AHI1: variants seen among roughly 807,000 people sequenced by gnomAD.
AHI1 encodes jouberin.
AHI1 carries 123 observed loss-of-function variants against 149.3 expected under a neutral mutation model. The ratio of observed to expected loss-of-function variants is 0.82; its 90% CI spans 0.71 to 0.96. The LOEUF (loss-of-function observed/expected upper bound fraction) is 0.96. AHI1 is among the 40% of genes least tolerant of loss of function. The probability of loss-of-function intolerance (pLI) is 0.00; values close to 1 mark genes in which losing one functional copy is unlikely to be tolerated. For missense variants in AHI1, 1,439 were observed against 1,422.7 expected (o/e 1.01, Z -0.18); for synonymous variants, 475 against 459.8 (o/e 1.03, Z -0.42).
intron 11 of AHI1, 128 bp from the exon 12 acceptor site, chr6:135,448,603 A>C: frequency 1.3e-6 from 1 of 744,494 alleles, no homozygotes; most frequent in Non-Finnish European, 2.0e-6. Flanking sequence ...TAGTTTTAAA[A>C]AGCAAAGAAC....
chr6:135,477,586 TC>T (rs1044099361), intron 5 of AHI1, among the ~76,000 whole-genome samples: 18 of 152,082 alleles, frequency 1.2e-4, no homozygotes, highest in Admixed American at 1.2e-3. Context: ...GGGACGGATA[TC>T]CCCTTGCTGT....
chr6:135,419,949 C>A (rs2614289), intron 20 of AHI1, among the ~76,000 whole-genome samples: 126,937 of 152,126 alleles, frequency 0.83, 55,146 homozygotes, highest in East Asian at 0.97. Flanking sequence ...ATGTTCACAG[C>A]GTCTTCACCA....
chr6:135,492,301 C>A lies in AHI1; in HGVS notation c.-54-10G>T. Reference sequence around the variant, plus strand: ...TGACTCAATCAGGATCCTATCGAAACAAAGGAGATGTATTTGTAATATGGA... The same window carrying A: ...TGACTCAATCAGGATCCTATCGAAAAAAAGGAGATGTATTTGTAATATGGA... On this transcript the variant is annotated splice_polypyrimidine_tract_variant and intron_variant, in intron 3 of 28. Coordinates refer to ENST00000265602, the MANE Select transcript of AHI1 (RefSeq NM_001134831.2). The A allele has an allele frequency of 6.7e-7, 1 of 1,490,794 alleles. No individual in the cohort carries two copies. The highest frequency in any genetic ancestry group is 1.4e-5 in the South Asian group (1 of 69,534). 92.3% of individuals were successfully genotyped at this position (1,490,794 alleles called of 1,614,324 possible).
At chr6:135,351,093 C>T (rs1197268633) in intron 24 of AHI1, among the ~76,000 whole-genome samples, 1 of 136,420 alleles carries the variant, frequency 7.3e-6, no homozygotes, top group Non-Finnish European at 1.6e-5. Context: ...GGAAGAGTCA[C>T]AATATGCAAT....
chr6:135,445,763 A>T (rs999314369), intron 13 of AHI1, among the ~76,000 whole-genome samples: 2 of 152,096 alleles, frequency 1.3e-5, no homozygotes, highest in African/African-American at 4.8e-5. Context: ...TTTTAAAAGA[A>T]TGGGTCTTGC....
chr6:135,488,465 T>C (rs540957873), intron 5 of AHI1, among the ~76,000 whole-genome samples: 1 of 152,190 alleles, frequency 6.6e-6, no homozygotes, highest in East Asian at 1.9e-4. Flanking sequence ...ACATGAACTT[T>C]AAAATTGCAG....
At chr6:135,323,412 G>A in intron 24 of AHI1, 88 bp from the exon 25 acceptor site, 16 of 1,423,934 alleles carry the variant, frequency 1.1e-5, no homozygotes, top group Non-Finnish European at 1.4e-5. Flanking sequence ...CAGAAGAGCA[G>A]CTGAAACCAA....
intron 26 of AHI1, among the ~76,000 whole-genome samples, chr6:135,305,810 T>C (rs1784468016): frequency 6.6e-6 from 1 of 152,216 alleles, no homozygotes; most frequent in Non-Finnish European, 1.5e-5. Context: ...TCCTGTCCAC[T>C]TGTTCAGGTC....
intron 22 of AHI1, among the ~76,000 whole-genome samples, chr6:135,403,007 G>A (rs749957275): frequency 6.6e-6 from 1 of 152,056 alleles, no homozygotes; most frequent in Non-Finnish European, 1.5e-5. Context: ...TCCTGAAAAC[G>A]TTATTTTGAG....
At chr6:135,292,465 C>T (rs1256557027) in intron 27 of AHI1, among the ~76,000 whole-genome samples, 5 of 152,160 alleles carry the variant, frequency 3.3e-5, no homozygotes, top group Admixed American at 6.5e-5. Flanking sequence ...ACCACATTTA[C>T]CTCTTGTCTA....
At chr6:135,309,487 T>TC (rs1784901702) in intron 26 of AHI1, among the ~76,000 whole-genome samples, 1 of 151,768 alleles carries the variant, frequency 6.6e-6, no homozygotes, top group Non-Finnish European at 1.5e-5. Flanking sequence ...ACTTTAGTTT[T>TC]TTTTTTTTTT....
In AHI1 at chr6:135,385,311, G is replaced by A. The variant is rs369037729; in HGVS notation, c.3109+9465C>T. On this transcript the variant is annotated intron_variant, in intron 23 of 28. Coordinates refer to ENST00000265602, the MANE Select transcript of AHI1 (RefSeq NM_001134831.2). The stretch of plus-strand genomic sequence containing the variant: ...ATAGGGAATAAAACAGGGTCAAATT[G>A]CAGTGAAACCATCTTATAAGACATG... Among the ~76,000 whole-genome samples the A allele has an allele frequency of 2.0e-3, 306 of 152,144 alleles. 4 individuals carry two copies. The highest frequency in any genetic ancestry group is 6.7e-3 in the African/African-American group (279 of 41,500).
chr6:135,311,502 A>C (rs1283954630), intron 26 of AHI1, among the ~76,000 whole-genome samples: 4 of 152,144 alleles, frequency 2.6e-5, no homozygotes, highest in Non-Finnish European at 2.9e-5. Flanking sequence ...TTCGTTTTAT[A>C]CTATTCTTCA....
intron 2 of AHI1, among the ~76,000 whole-genome samples, chr6:135,496,151 C>A (rs1795936742): frequency 1.3e-5 from 2 of 151,740 alleles, no homozygotes; most frequent in African/African-American, 4.8e-5. Flanking sequence ...GAGTCTCGCT[C>A]TGTTGCCCAG....
At chr6:135,452,257 A>G (rs1031613893) in intron 11 of AHI1, among the ~76,000 whole-genome samples, 14 of 152,246 alleles carry the variant, frequency 9.2e-5, no homozygotes, top group African/African-American at 3.1e-4. Context: ...CACAAATGAA[A>G]ATGTTTTTAT....
At chr6:135,342,939 T>C (rs550766650) in intron 24 of AHI1, among the ~76,000 whole-genome samples, 1 of 149,440 alleles carries the variant, frequency 6.7e-6, no homozygotes, top group Non-Finnish European at 1.5e-5. Flanking sequence ...ACTGGAAAAA[T>C]TAGGCAAGAA....
chr6:135,406,855 A>C (rs1318043065), intron 21 of AHI1, among the ~76,000 whole-genome samples: 2 of 152,100 alleles, frequency 1.3e-5, no homozygotes, highest in Non-Finnish European at 2.9e-5. Flanking sequence ...TTGTTAATCA[A>C]CTTTTTGTAG....
chr6:135,401,572 C>G (rs1232196507), intron 22 of AHI1, among the ~76,000 whole-genome samples: 1 of 151,668 alleles, frequency 6.6e-6, no homozygotes, highest in Non-Finnish European at 1.5e-5. Context: ...GACAAGGGTG[C>G]CAACACCAGT....
At chr6:135,464,412 T>C (rs1245109366) in intron 7 of AHI1, among the ~76,000 whole-genome samples, 1 of 152,198 alleles carries the variant, frequency 6.6e-6, no homozygotes, top group Admixed American at 6.5e-5. Flanking sequence ...AAGGAAGATT[T>C]ATAGTATACT....
Sources: gnomAD v4.1 joint callset for allele counts (sites outside exome capture counted in the v4.1 genomes callset) on GRCh38, gnomAD v4.1.1 for gene constraint, MANE v1.5 for transcripts, NCBI Gene and HGNC (gene_info 2026-07-23, HGNC 2026-07-21) for gene names.